BCL7C: variants seen among roughly 807,000 people sequenced by gnomAD.
BCL7C encodes the protein B-cell CLL/lymphoma 7 protein family member C.
In BCL7C, 8 loss-of-function variants were observed where a neutral mutation model predicts 26.2. The ratio of observed to expected loss-of-function variants is 0.30; its 90% CI spans 0.18 to 0.55. The LOEUF is 0.55. Ranked by LOEUF, BCL7C falls within the 20% of genes least tolerant of loss-of-function variation. BCL7C has a pLI of 0.93. For missense variants in BCL7C, 262 were observed against 298.5 expected, an observed-to-expected ratio of 0.88 and a Z score of 0.90; for synonymous variants, 90 against 116.5, an observed-to-expected ratio of 0.77 and a Z score of 1.47.
intron 5 of BCL7C, chr16:30,888,620 C>T: frequency 2.9e-6 from 1 of 349,124 alleles, no homozygotes; most frequent in Non-Finnish European, 5.3e-6. Context: ...CAGGCGTGAG[C>T]CACCACGCCC....
chr16:30,848,902 A>G (rs1310530378), intron 5 of BCL7C, among the ~76,000 whole-genome samples: 2 of 151,232 alleles, frequency 1.3e-5, no homozygotes, highest in Non-Finnish European at 2.9e-5. Flanking sequence ...AAAAAAAAAA[A>G]AAAGGCTGGG....
intron 5 of BCL7C, among the ~76,000 whole-genome samples, chr16:30,857,774 C>A (rs1011207335): frequency 1.3e-5 from 2 of 151,968 alleles, no homozygotes; most frequent in African/African-American, 4.8e-5. Context: ...AGTTAGAGAC[C>A]AGCCTGGCCG....
intron 5 of BCL7C, among the ~76,000 whole-genome samples, chr16:30,853,119 G>T (rs933594380): frequency 6.6e-6 from 1 of 151,362 alleles, no homozygotes; most frequent in Non-Finnish European, 1.5e-5. Context: ...ATTTTTTTCA[G>T]TAGAGACGGG....
At chr16:30,850,730 G>C (rs1170496197) in intron 5 of BCL7C, among the ~76,000 whole-genome samples, 2 of 152,124 alleles carry the variant, frequency 1.3e-5, no homozygotes, top group African/African-American at 4.8e-5. Context: ...GTAAGTACCA[G>C]GGCACTTACC....
chr16:30,874,999 G>A (rs2054924489), intron 5 of BCL7C, among the ~76,000 whole-genome samples: 1 of 152,208 alleles, frequency 6.6e-6, no homozygotes, highest in Non-Finnish European at 1.5e-5. Context: ...GCGAGGGACA[G>A]CTGGTCTCCG....
chr16:30,892,851 A>C lies in BCL7C; in HGVS notation c.269T>G (p.Leu90Arg). The stretch of plus-strand genomic sequence containing the variant: ...GGATCCCTACCTACCATTAAGATCC[A>C]GCAGGATGAGAGGGCCACCCCCTCG... The part of the protein sequence containing the change: ...SPRGGGPLIL[L>R]DLNDENSNQS... The change falls in exon 3 of 6, where the codon CTG becomes CGG. Residue 90 changes from leucine to arginine, a missense_variant. By Grantham distance (102) the Leu-to-Arg change is moderately radical. Transcript: ENST00000215115. 2 of 1,613,382 alleles carry C rather than the reference A, an allele frequency of 1.2e-6. No individual in the cohort carries two copies. Among genetic ancestry groups the C allele is most frequent in the Non-Finnish European group, 1.7e-6 (2 of 1,179,970 alleles).
At chr16:30,850,723 A>G (rs931923132) in intron 5 of BCL7C, among the ~76,000 whole-genome samples, 1 of 152,238 alleles carries the variant, frequency 6.6e-6, no homozygotes, top group Non-Finnish European at 1.5e-5. Context: ...TGCCATGGTA[A>G]GTACCAGGGC....
At chr16:30,859,954 G>A (rs570726591) in intron 5 of BCL7C, among the ~76,000 whole-genome samples, 1 of 152,342 alleles carries the variant, frequency 6.6e-6, no homozygotes, top group Admixed American at 6.5e-5. Context: ...TCCGTGAGGA[G>A]ATCCACCTAC....
chr16:30,843,034 T>G (rs2054612163), intron 5 of BCL7C, among the ~76,000 whole-genome samples: 1 of 152,244 alleles, frequency 6.6e-6, no homozygotes, highest in Non-Finnish European at 1.5e-5. Context: ...CCAATCCTGT[T>G]CTTTCCAAAT....
intron 5 of BCL7C, among the ~76,000 whole-genome samples, chr16:30,879,439 A>G (rs1325591522): frequency 6.6e-6 from 1 of 152,064 alleles, no homozygotes; most frequent in Non-Finnish European, 1.5e-5. Context: ...ACTGATTCAC[A>G]CAATAATCCG....
At chr16:30,852,210 G>C (rs1190723743) in intron 5 of BCL7C, 1 of 154,846 alleles carries the variant, frequency 6.5e-6, no homozygotes, top group Non-Finnish European at 1.4e-5. Context: ...AGCAGTTCCT[G>C]GGCCAAGTGT....
Position 30,892,714 on chromosome 16 carries a change from C to T in BCL7C, c.314G>A (p.Gly105Asp), listed in dbSNP as rs780547714. 3.1e-6 allele frequency: 5 copies of T among 1,614,156 alleles called. No homozygotes were observed. In the Admixed American group the frequency reaches 8.3e-5, roughly 27 times the overall value. Reference protein sequence around the residue: ...ENSNQSFHSEGSLQKGTEPSP... With the variant: ...ENSNQSFHSEDSLQKGTEPSP... Reference sequence around the variant, plus strand: ...GGGCTCTGTGCCCTTTTGCAGGGAACCTTCCGAATGGAAACTCTGGTTGCT... The same window carrying T: ...GGGCTCTGTGCCCTTTTGCAGGGAATCTTCCGAATGGAAACTCTGGTTGCT... The change falls in exon 4 of 6, where the codon GGT becomes GAT. Residue 105 changes from glycine (G) to aspartate (D), a missense_variant. Coordinates refer to ENST00000215115, the MANE Select transcript of BCL7C (RefSeq NM_004765.4).
chr16:30,888,734 A>G, intron 5 of BCL7C, 126 bp downstream of exon 5: 1 of 802,118 alleles, frequency 1.2e-6, no homozygotes, highest in Non-Finnish European at 2.0e-6. Context: ...CCAGCCCCTA[A>G]GCCTTCAGCT....
intron 5 of BCL7C, among the ~76,000 whole-genome samples, chr16:30,845,427 C>T (rs1485173716): frequency 6.6e-6 from 1 of 152,222 alleles, no homozygotes; most frequent in East Asian, 1.9e-4. Flanking sequence ...AGTGCTTGAT[C>T]CTTGCACTGG....
Position 30,856,861 on chromosome 16 carries a change from T to C in BCL7C, c.529-21713A>G, listed in dbSNP as rs1421349070. 2.6e-5 allele frequency among the ~76,000 whole-genome samples: 4 copies of C among 152,210 alleles called. 1 individual carries two copies. The highest frequency in any genetic ancestry group is 2.0e-4 in the Admixed American group (3 of 15,258). ...TGTATGTTCACAGCCCTAGACATGCTGGTGACCTAGGAATTCCTAAGAATA... is the reference window on the plus strand; with the variant it reads ...TGTATGTTCACAGCCCTAGACATGCCGGTGACCTAGGAATTCCTAAGAATA... On this transcript the variant is annotated intron_variant, in intron 5 of 5. Transcript: ENST00000380317.
intron 5 of BCL7C, among the ~76,000 whole-genome samples, chr16:30,848,958 C>G (rs532544515): frequency 6.7e-6 from 1 of 150,338 alleles, no homozygotes; most frequent in Non-Finnish European, 1.5e-5. Flanking sequence ...GAGGCCGAGG[C>G]GGGTGGATCA....
intron 5 of BCL7C, among the ~76,000 whole-genome samples, chr16:30,857,624 A>C (rs2054734266): frequency 6.6e-6 from 1 of 152,004 alleles, no homozygotes; most frequent in Admixed American, 6.6e-5. Flanking sequence ...GCAAGTTAAA[A>C]CACCACAAAA....
At chr16:30,833,760 T>C (rs2054554759) in exon 6 of BCL7C, 1 of 152,236 alleles carries the variant, frequency 6.6e-6, no homozygotes, top group African/African-American at 2.4e-5. Context: ...GGTACGAATG[T>C]TGACTTTCAT....
chr16:30,881,392 T>TCACACA (rs72155482), intron 5 of BCL7C, among the ~76,000 whole-genome samples: 1,514 of 144,210 alleles, frequency 0.01, 20 homozygotes, highest in African/African-American at 0.031. Context: ...TGAGACTCCG[T>TCACACA]CACACACACA....
Sources: gnomAD v4.1 joint callset for allele counts (sites outside exome capture counted in the v4.1 genomes callset) on GRCh38, gnomAD v4.1.1 for gene constraint, MANE v1.5 for transcripts, NCBI Gene and HGNC (gene_info 2026-07-23, HGNC 2026-07-21) for gene names.